Variants in MED13L observed in about 807,000 individuals in gnomAD.
MED13L encodes mediator complex subunit 13L, also known as mediator of RNA polymerase II transcription subunit 13-like.
A neutral mutation model predicts 220.9 loss-of-function variants in MED13L; 7 were observed. The ratio of observed to expected loss-of-function variants is 0.03; its 90% confidence interval spans 0.02 to 0.06. MED13L has a LOEUF of 0.06. Ranked by LOEUF, MED13L falls within the 10% of genes least tolerant of loss-of-function variation. The pLI is 1.00. For missense variants in MED13L, 1,965 were observed against 2,760.5 expected (o/e 0.71, Z 6.46); for synonymous variants, 1,011 against 1,015.2 (o/e 1.00, Z 0.08).
chr12:116,275,390 T>C (rs189175803), intron 1 of MED13L, among the ~76,000 whole-genome samples: 260 of 152,292 alleles, frequency 1.7e-3, no homozygotes, highest in Non-Finnish European at 2.4e-3. Context: ...ATTAAATATC[T>C]GGATTAAAAT....
chr12:116,079,551 TTA>T (rs1871079417), intron 4 of MED13L, among the ~76,000 whole-genome samples: 1 of 151,942 alleles, frequency 6.6e-6, no homozygotes, highest in African/African-American at 2.4e-5. Context: ...TTATTATTAT[TTA>T]TGTTTTTGCG....
chr12:116,161,069 T>A (rs1352867334), intron 2 of MED13L, among the ~76,000 whole-genome samples: 1 of 152,082 alleles, frequency 6.6e-6, no homozygotes, highest in African/African-American at 2.4e-5. Flanking sequence ...TTTTACATCA[T>A]CCCAGGTCAG....
At chr12:116,083,404 GAAA>G (rs61301423) in intron 4 of MED13L, among the ~76,000 whole-genome samples, 21 of 79,372 alleles carry the variant, frequency 2.6e-4, no homozygotes, top group African/African-American at 8.5e-4. Context: ...TGTCTCGAGG[GAAA>G]AAAAAAAAAA....
At chr12:115,972,988 G>A (rs1362472348) in intron 25 of MED13L, among the ~76,000 whole-genome samples, 4 of 152,054 alleles carry the variant, frequency 2.6e-5, no homozygotes, top group Non-Finnish European at 4.4e-5. Flanking sequence ...ATCCCATCTT[G>A]CTCATAAAAT....
chr12:116,063,826 C>T (rs543583042), intron 4 of MED13L, among the ~76,000 whole-genome samples: 8 of 152,022 alleles, frequency 5.3e-5, no homozygotes, highest in Admixed American at 1.3e-4. Flanking sequence ...ACTGTACCTA[C>T]GGGGGATTGG....
intron 16 of MED13L, among the ~76,000 whole-genome samples, chr12:115,995,470 C>A (rs2137323436): frequency 6.6e-6 from 1 of 152,304 alleles, no homozygotes; most frequent in South Asian, 2.1e-4. Flanking sequence ...GTCGACCAGG[C>A]TGGAGTGCAG....
At chr12:116,276,948 G>C in intron 1 of MED13L, 112 bp downstream of exon 1, 1 of 1,202,842 alleles carries the variant, frequency 8.3e-7, no homozygotes, top group African/African-American at 1.5e-5. Context: ...GCGGGGAGAC[G>C]CGAGGGAGGG....
chr12:116,059,492 A>G (rs1041485682), intron 4 of MED13L, among the ~76,000 whole-genome samples: 4 of 147,440 alleles, frequency 2.7e-5, no homozygotes, highest in Non-Finnish European at 5.9e-5. Context: ...ATCTTGGCTC[A>G]CTGCAACCTC....
chr12:116,167,297 T>A (rs1879352320), intron 2 of MED13L, among the ~76,000 whole-genome samples: 1 of 152,162 alleles, frequency 6.6e-6, no homozygotes, highest in East Asian at 1.9e-4. Flanking sequence ...AAAGCATCCC[T>A]CGAATACAAG....
chr12:116,058,196 T>A (rs1318592747), intron 4 of MED13L, among the ~76,000 whole-genome samples: 1 of 152,172 alleles, frequency 6.6e-6, no homozygotes, highest in Non-Finnish European at 1.5e-5. Context: ...ATTTACTGTT[T>A]AAAAGTTCTA....
intron 2 of MED13L, among the ~76,000 whole-genome samples, chr12:116,151,397 T>C (rs1320083498): frequency 6.6e-6 from 1 of 152,168 alleles, no homozygotes; most frequent in African/African-American, 2.4e-5. Flanking sequence ...AAAAAGAAAA[T>C]TATTTTAAAA....
chr12:116,156,306 T>A (rs1183384504), intron 2 of MED13L, among the ~76,000 whole-genome samples: 1 of 150,646 alleles, frequency 6.6e-6, no homozygotes, highest in East Asian at 1.9e-4. Flanking sequence ...AAGATATGAG[T>A]ACATCCATTA....
intron 2 of MED13L, among the ~76,000 whole-genome samples, chr12:116,214,988 C>T (rs527238437): frequency 1.3e-5 from 2 of 152,188 alleles, no homozygotes; most frequent in Non-Finnish European, 1.5e-5. Flanking sequence ...GTTCAGGGCA[C>T]CCTTAAATTT....
chr12:116,004,762 T>C (rs558529420), intron 13 of MED13L, among the ~76,000 whole-genome samples: 2 of 152,204 alleles, frequency 1.3e-5, no homozygotes, highest in Non-Finnish European at 2.9e-5. Context: ...CAGACCATTA[T>C]GATCTCCTCA....
intron 1 of MED13L, among the ~76,000 whole-genome samples, chr12:116,253,042 A>G (rs1167326001): frequency 6.6e-6 from 1 of 152,118 alleles, no homozygotes; most frequent in Non-Finnish European, 1.5e-5. Flanking sequence ...CAGGTGGATC[A>G]CCTGAGGTCA....
chr12:116,106,187 CTGAA>C (rs1413662263), intron 3 of MED13L, among the ~76,000 whole-genome samples: 1 of 152,186 alleles, frequency 6.6e-6, no homozygotes, highest in Non-Finnish European at 1.5e-5. Context: ...CCTAACCTGA[CTGAA>C]TACTTCATAA....
intron 17 of MED13L, among the ~76,000 whole-genome samples, chr12:115,988,321 C>T (rs1877837033): frequency 6.6e-6 from 1 of 152,160 alleles, no homozygotes; most frequent in African/African-American, 2.4e-5. Flanking sequence ...AAATTTCACA[C>T]ACAAATCTAG....
intron 2 of MED13L, among the ~76,000 whole-genome samples, chr12:116,153,221 T>A (rs1878188438): frequency 6.6e-6 from 1 of 152,026 alleles, no homozygotes. Flanking sequence ...GGTTAAAGAG[T>A]CTCTGTCACT....
At position 116,006,382 on chromosome 12, in the gene MED13L, G is replaced by C. The variant is rs1879047578; in HGVS notation, c.2268C>G (p.Val756=). 6.2e-7 allele frequency: 1 copy of C among 1,613,952 alleles called. No homozygotes were observed. The highest frequency in any genetic ancestry group is 1.7e-5 in the Admixed American group (1 of 60,004). ...CCGGCGTGGAATGACCTGGTGTAGTGACATCCTTGGTACCAAATCCATCCT... is the reference window on the plus strand; with the variant it reads ...CCGGCGTGGAATGACCTGGTGTAGTCACATCCTTGGTACCAAATCCATCCT... ...KSEDGFGTKD[V]TTPGHSTPVP... is the part of the protein sequence containing the mutation. The change falls in exon 12 of 31, where the codon GTC becomes GTG. Residue 756 remains valine, a synonymous_variant. Coordinates refer to ENST00000281928, the MANE Select transcript of MED13L (RefSeq NM_015335.5).
Sources: gnomAD v4.1 joint callset for allele counts (sites outside exome capture counted in the v4.1 genomes callset) on GRCh38, gnomAD v4.1.1 for gene constraint, MANE v1.5 for transcripts, NCBI Gene and HGNC (gene_info 2026-07-23, HGNC 2026-07-21) for gene names.